The following PHF24 variants were observed in gnomAD, a reference collection of about 807,000 sequenced individuals.
PHF24 encodes PHD finger protein 24.
Under a neutral mutation model 42.6 loss-of-function variants are expected in PHF24, and 25 were observed. The ratio of observed to expected loss-of-function variants is 0.59; its 90% CI spans 0.43 to 0.82. PHF24 has a LOEUF of 0.82. Ranked by LOEUF, PHF24 falls within the 40% of genes least tolerant of loss-of-function variation. PHF24 has a pLI of 0.00. For missense variants in PHF24, 470 were observed against 538.1 expected (o/e 0.87, Z 1.25); for synonymous variants, 185 against 204.8 (o/e 0.90, Z 0.83).
chr9:34,789,841 G>T, the PHF24 span, among the ~76,000 whole-genome samples: 1 of 152,126 alleles, frequency 6.6e-6, no homozygotes, highest in Admixed American at 6.5e-5. Context: ...GGATTTTGCT[G>T]TTTGTTTTTG....
the PHF24 span, among the ~76,000 whole-genome samples, chr9:34,721,528 A>G: frequency 5.3e-5 from 8 of 151,782 alleles, no homozygotes; most frequent in Non-Finnish European, 1.0e-4. Context: ...GATTCTCCTC[A>G]GCCTCCTGAG....
At chr9:34,951,748 T>A in the PHF24 span, among the ~76,000 whole-genome samples, 640 of 152,326 alleles carry the variant, frequency 4.2e-3, 17 homozygotes, top group East Asian at 0.091. Flanking sequence ...ACAGCAGCAA[T>A]AGGAAGTTAA....
the PHF24 span, among the ~76,000 whole-genome samples, chr9:34,796,734 C>T: frequency 9.8e-5 from 15 of 152,338 alleles, no homozygotes; most frequent in South Asian, 4.1e-4. Context: ...AGCACAGCCA[C>T]TCTGTAAAAT....
At chr9:34,973,419 A>G (rs1219634674) in intron 3 of PHF24, among the ~76,000 whole-genome samples, 1 of 152,244 alleles carries the variant, frequency 6.6e-6, no homozygotes, top group African/African-American at 2.4e-5. Context: ...AACTTCGCAA[A>G]TTATATATAA....
the PHF24 span, among the ~76,000 whole-genome samples, chr9:34,754,736 A>G: frequency 2.0e-5 from 3 of 152,198 alleles, no homozygotes; most frequent in African/African-American, 7.2e-5. Flanking sequence ...TCAGTATATC[A>G]AAGAGGTACC....
At chr9:34,937,359 G>C in the PHF24 span, among the ~76,000 whole-genome samples, 1 of 152,090 alleles carries the variant, frequency 6.6e-6, no homozygotes, top group African/African-American at 2.4e-5. Flanking sequence ...CCCCAACCCT[G>C]TGCTCTCTGA....
At chr9:34,851,748 C>T in the PHF24 span, among the ~76,000 whole-genome samples, 1 of 152,138 alleles carries the variant, frequency 6.6e-6, no homozygotes, top group Non-Finnish European at 1.5e-5. Context: ...ATCTTGGCTC[C>T]CACCCTCACC....
the PHF24 span, chr9:34,837,184 A>G: frequency 2.1e-6 from 1 of 467,066 alleles, no homozygotes; most frequent in African/African-American, 2.0e-5. Context: ...TTTTCAGAGT[A>G]TCTGGAGGAG....
At chr9:34,965,577 A>AT (rs1265995319) in intron 1 of PHF24, among the ~76,000 whole-genome samples, 2 of 152,218 alleles carry the variant, frequency 1.3e-5, no homozygotes, top group East Asian at 3.8e-4. Flanking sequence ...TGCTTTAAGG[A>AT]TAAACTCCCA....
chr9:34,770,589 T>A, the PHF24 span, among the ~76,000 whole-genome samples: 1 of 152,170 alleles, frequency 6.6e-6, no homozygotes, highest in African/African-American at 2.4e-5. Context: ...ATACCCTTTG[T>A]GTGTGAAAGG....
At chr9:34,773,465 G>T in the PHF24 span, among the ~76,000 whole-genome samples, 2 of 151,630 alleles carry the variant, frequency 1.3e-5, no homozygotes, top group African/African-American at 2.4e-5. Flanking sequence ...AAGGAATTCA[G>T]AAGTCAACTG....
At chr9:34,922,764 C>T in the PHF24 span, 1 of 1,592,164 alleles carries the variant, frequency 6.3e-7, no homozygotes. Flanking sequence ...CCTACGGGCT[C>T]CTACAACATT....
At chr9:34,782,531 C>G in the PHF24 span, among the ~76,000 whole-genome samples, 1 of 152,182 alleles carries the variant, frequency 6.6e-6, no homozygotes, top group African/African-American at 2.4e-5. Flanking sequence ...CAGATCCAAT[C>G]TGCCTTCCAG....
chr9:34,745,541 A>C, the PHF24 span, among the ~76,000 whole-genome samples: 1 of 152,022 alleles, frequency 6.6e-6, no homozygotes, highest in Non-Finnish European at 1.5e-5. Flanking sequence ...CCAGCATGTG[A>C]AATTATTTGA....
the PHF24 span, chr9:34,691,377 C>T: frequency 6.0e-6 from 3 of 504,122 alleles, no homozygotes; most frequent in Non-Finnish European, 1.1e-5. Flanking sequence ...TTGCCCCCCT[C>T]TTTCTGGCAG....
the PHF24 span, chr9:34,923,067 A>C: frequency 2.2e-6 from 1 of 444,802 alleles, no homozygotes; most frequent in Non-Finnish European, 3.9e-6. Context: ...TTTTTTTTTA[A>C]TCATGAAGGG....
chr9:34,675,199 T>G, the PHF24 span, among the ~76,000 whole-genome samples: 5 of 152,104 alleles, frequency 3.3e-5, no homozygotes, highest in Admixed American at 6.5e-5. Flanking sequence ...CTCTTTGTGG[T>G]TCTCAATCCG....
intron 1 of PHF24, among the ~76,000 whole-genome samples, chr9:34,968,106 A>G (rs1826842116): frequency 6.6e-6 from 1 of 152,228 alleles, no homozygotes; most frequent in African/African-American, 2.4e-5. Context: ...AGATCATAAC[A>G]TGAGCATTTT....
chr9:34,964,301 C>T (rs188708607), intron 1 of PHF24, among the ~76,000 whole-genome samples: 361 of 152,268 alleles, frequency 2.4e-3, no homozygotes, highest in Middle Eastern at 6.8e-3. Flanking sequence ...ACCAGCTACT[C>T]GGGAGGCTGA....
Sources: allele counts gnomAD v4.1 joint callset (sites outside exome capture counted in the v4.1 genomes callset), GRCh38; gene constraint gnomAD v4.1.1; transcripts MANE v1.5; gene names NCBI Gene and HGNC (gene_info 2026-07-23, HGNC 2026-07-21).